Variants in NLN observed in about 807,000 individuals in gnomAD.
NLN encodes the protein neurolysin, mitochondrial.
In NLN, 64 loss-of-function variants were observed where a neutral mutation model predicts 79.9. That is an observed-to-expected ratio of 0.80 (90% confidence interval 0.65 to 0.99). The LOEUF (loss-of-function observed/expected upper bound fraction) is 0.99. Among genes scored for constraint, NLN ranks in the 50% least tolerant of loss-of-function variants. The probability of loss-of-function intolerance (pLI) is 0.00; values close to 1 mark genes in which losing one functional copy is unlikely to be tolerated. For synonymous variants in NLN, 267 were observed against 296.6 expected, an observed-to-expected ratio of 0.90 and a Z score of 1.02; for missense variants, 835 against 858.7, an observed-to-expected ratio of 0.97 and a Z score of 0.34.
intron 1 of NLN, among the ~76,000 whole-genome samples, chr5:65,740,393 C>T (rs1758843142): frequency 6.6e-6 from 1 of 152,116 alleles, no homozygotes; most frequent in Admixed American, 6.5e-5. Context: ...ATGGATTAAT[C>T]CACTTATGAA....
At chr5:65,731,782 G>T in intron 1 of NLN, among the ~76,000 whole-genome samples, 1 of 114,862 alleles carries the variant, frequency 8.7e-6, no homozygotes, top group East Asian at 2.8e-4. Flanking sequence ...ACAGAGTCTA[G>T]CTCTGTCACC....
At chr5:65,822,650 A>G (rs1238659285) in intron 12 of NLN, 131 bp from the exon 13 acceptor site, 1 of 683,210 alleles carries the variant, frequency 1.5e-6, no homozygotes, top group Admixed American at 2.5e-5. Context: ...TTTGTGAGCA[A>G]GAGAAAACAT....
chr5:65,747,910 A>G (rs550705883), intron 1 of NLN, among the ~76,000 whole-genome samples: 83 of 152,316 alleles, frequency 5.4e-4, no homozygotes, highest in South Asian at 1.9e-3. Flanking sequence ...CTGCCAAAGT[A>G]CAGCAGTCAG....
chr5:65,798,177 T>C (rs1338664184), intron 9 of NLN, among the ~76,000 whole-genome samples: 1 of 152,100 alleles, frequency 6.6e-6, no homozygotes, highest in Admixed American at 6.5e-5. Flanking sequence ...TGCCAGGAAA[T>C]ATACACACTG....
At chr5:65,753,581 C>T (rs1467725136) in intron 1 of NLN, among the ~76,000 whole-genome samples, 3 of 149,776 alleles carry the variant, frequency 2.0e-5, no homozygotes, top group East Asian at 3.9e-4. Context: ...ACCTGGGAGG[C>T]GGAGGTTGCA....
At chr5:65,722,458 G>A (rs771752622) in intron 1 of NLN, 44 bp downstream of exon 1, 3 of 1,540,582 alleles carry the variant, frequency 1.9e-6, no homozygotes, top group Non-Finnish European at 2.6e-6. Context: ...GGCAGGGCGG[G>A]GTCTTTCGCC....
intron 4 of NLN, 59 bp downstream of exon 4, chr5:65,777,593 C>T: frequency 8.8e-7 from 1 of 1,131,412 alleles, no homozygotes; most frequent in Non-Finnish European, 1.3e-6. Context: ...AAACAAAATA[C>T]TGGTTGAACA....
intron 1 of NLN, among the ~76,000 whole-genome samples, chr5:65,751,303 C>T (rs1271230488): frequency 1.3e-5 from 2 of 152,130 alleles, no homozygotes; most frequent in Non-Finnish European, 2.9e-5. Context: ...TTCACTATAG[C>T]CCTGGCTCTA....
chr5:65,730,399 A>C (rs1216817424), intron 1 of NLN, among the ~76,000 whole-genome samples: 1 of 152,248 alleles, frequency 6.6e-6, no homozygotes, highest in African/African-American at 2.4e-5. Context: ...AACGGCACAC[A>C]CCAAGGCTCT....
intron 11 of NLN, 133 bp from the exon 12 acceptor site, chr5:65,812,122 G>T: frequency 1.4e-6 from 1 of 732,494 alleles, no homozygotes. Flanking sequence ...AGCCCAAGGA[G>T]TACTAGAGGT....
At chr5:65,750,161 A>G (rs1365299241) in intron 1 of NLN, among the ~76,000 whole-genome samples, 1 of 152,266 alleles carries the variant, frequency 6.6e-6, no homozygotes, top group Non-Finnish European at 1.5e-5. Flanking sequence ...GGGATCATCC[A>G]GTCAGTGCTG....
chr5:65,802,116 A>G (rs964431516), intron 9 of NLN, among the ~76,000 whole-genome samples: 4 of 152,236 alleles, frequency 2.6e-5, no homozygotes, highest in African/African-American at 9.6e-5. Context: ...CTCTGTGACC[A>G]GTGGTACCTT....
intron 2 of NLN, among the ~76,000 whole-genome samples, chr5:65,762,335 T>C (rs1305428068): frequency 2.0e-5 from 3 of 152,130 alleles, no homozygotes; most frequent in African/African-American, 7.2e-5. Flanking sequence ...TCCCAGATCC[T>C]AAGAAGCCTC....
At position 65,792,569 on chromosome 5, in the gene NLN, G is replaced by T. The variant is rs1227470441; in HGVS notation, c.1441G>T (p.Ala481Ser). Residue 481 changes from alanine to serine, a missense_variant, in exon 9 of 13, where the codon GCA becomes TCA. Physicochemically the swap from Ala to Ser is moderately conservative, Grantham distance 99. Coordinates refer to ENST00000380985, the MANE Select transcript of NLN (RefSeq NM_020726.5). Reference protein sequence around the residue: ...ALVVNFSQPVAGRPSLLRHDE... With the variant: ...ALVVNFSQPVSGRPSLLRHDE... Reference sequence around the variant, plus strand: ...CGTGGTGAACTTCTCACAGCCAGTGGCAGGTCGTCCCTCTCTCCTGAGACA... The same window carrying T: ...CGTGGTGAACTTCTCACAGCCAGTGTCAGGTCGTCCCTCTCTCCTGAGACA... 2.5e-6 allele frequency: 4 copies of T among 1,613,954 alleles called. No individual in the cohort carries two copies. The highest frequency in any genetic ancestry group is 3.4e-6 in the Non-Finnish European group (4 of 1,179,842).
chr5:65,733,290 C>G, intron 1 of NLN: 1 of 1,515,184 alleles, frequency 6.6e-7, no homozygotes, highest in East Asian at 2.3e-5. Context: ...TCTCGAGACC[C>G]TCACGTTAAA....
intron 1 of NLN, 52 bp from the exon 2 acceptor site, chr5:65,758,515 C>T (rs1759268502): frequency 2.2e-6 from 3 of 1,370,784 alleles, no homozygotes; most frequent in Non-Finnish European, 3.1e-6. Flanking sequence ...CATATGTTGA[C>T]TTTGGACCAA....
chr5:65,814,567 A>C (rs1760625551), intron 12 of NLN, among the ~76,000 whole-genome samples: 1 of 152,186 alleles, frequency 6.6e-6, no homozygotes, highest in African/African-American at 2.4e-5. Flanking sequence ...CATCCTTTGA[A>C]CATATGAGTG....
intron 2 of NLN, among the ~76,000 whole-genome samples, chr5:65,761,008 G>T (rs942615609): frequency 3.9e-5 from 6 of 151,982 alleles, no homozygotes; most frequent in African/African-American, 1.5e-4. Context: ...TCTTATCTGG[G>T]CATATTCTCT....
At chr5:65,799,324 A>G (rs1760232950) in intron 9 of NLN, among the ~76,000 whole-genome samples, 1 of 152,254 alleles carries the variant, frequency 6.6e-6, no homozygotes, top group South Asian at 2.1e-4. Context: ...AGTGCAACAA[A>G]TAAAAAATTA....
Sources: gnomAD v4.1 joint callset for allele counts (sites outside exome capture counted in the v4.1 genomes callset) on GRCh38, gnomAD v4.1.1 for gene constraint, MANE v1.5 for transcripts, NCBI Gene and HGNC (gene_info 2026-07-23, HGNC 2026-07-21) for gene names.